Variants in YTHDF3 observed in about 807,000 individuals in gnomAD.
The protein encoded by YTHDF3 is YTH domain-containing family protein 3.
In YTHDF3, 9 loss-of-function variants were observed where a neutral mutation model predicts 52.5. The observed-to-expected ratio is 0.17, with a 90% confidence interval of 0.10 to 0.30. YTHDF3 has a LOEUF of 0.30. YTHDF3 is among the 10% of genes least tolerant of loss of function. The pLI is 1.00. For missense variants in YTHDF3, 534 were observed against 715.0 expected (o/e 0.75, Z 2.89); for synonymous variants, 274 against 243.3 (o/e 1.13, Z -1.18).
intron 3 of YTHDF3, among the ~76,000 whole-genome samples, chr8:63,185,347 G>A (rs1376954419): frequency 6.6e-6 from 1 of 151,792 alleles, no homozygotes; most frequent in Non-Finnish European, 1.5e-5. Context: ...TATAGTGAAG[G>A]TTGATTTAAT....
Position 63,177,759 on chromosome 8 carries a change from A to AT in YTHDF3, c.135+2359dup, listed in dbSNP as rs748461151. The stretch of plus-strand genomic sequence containing the variant: ...AAAATCCTGACTTGTTCAAACTCTT[A>AT]TTTTTTTTTTTTTTTTGAAACGGAG... On this transcript the variant is annotated intron_variant, in intron 3 of 4. Transcript: ENST00000539294. 8.9e-3 allele frequency among the ~76,000 whole-genome samples: 1,247 copies of AT among 140,374 alleles called. 9 individuals are homozygous for AT. The highest frequency in any genetic ancestry group is 0.022 in the African/African-American group (851 of 38,386). The allele number at this position is 140,374 out of a possible 152,430, so 92.1% of individuals were successfully genotyped here.
At chr8:63,207,831 CCTTACATCTTTTTACTTAATTTCT>C (rs960642475) in intron 4 of YTHDF3, among the ~76,000 whole-genome samples, 6 of 152,046 alleles carry the variant, frequency 3.9e-5, no homozygotes, top group African/African-American at 1.2e-4. Context: ...AGCAGATTGC[CCTTACATCTTTTTACTTAATTTCT>C]CTATGTATTT....
At chr8:63,187,850 T>C in intron 4 of YTHDF3, 105 bp downstream of exon 4, 1 of 1,259,546 alleles carries the variant, frequency 7.9e-7, no homozygotes, top group Non-Finnish European at 1.1e-6. Context: ...AACCAACTAC[T>C]TAAGAAACAA....
In YTHDF3 at chr8:63,169,398, G is replaced by A. The variant is rs1404819448; in HGVS notation, c.36G>A (p.Gly12=). The change falls in exon 2 of 5, where the codon GGG becomes GGA. Residue 12 remains glycine, a synonymous_variant. Transcript: ENST00000539294. ...SATSVDQRPK[G]QGNKVSVQNG... is the part of the protein sequence containing the mutation. ...GTCTTGCAACACAGAGACCTAAAGG[G>A]CAAGGAAATAAAGGTGAGTTTGGAT... 6.2e-7 allele frequency: 1 copy of A among 1,601,408 alleles called. No individual in the cohort carries two copies. The highest frequency in any genetic ancestry group is 8.5e-7 in the Non-Finnish European group (1 of 1,173,126).
intron 3 of YTHDF3, among the ~76,000 whole-genome samples, chr8:63,178,473 T>C (rs956064830): frequency 3.9e-5 from 6 of 152,276 alleles, no homozygotes; most frequent in African/African-American, 1.4e-4. Context: ...TTTTTTCAGC[T>C]GCATCATTGC....
intron 3 of YTHDF3, among the ~76,000 whole-genome samples, chr8:63,180,377 G>T (rs1471420158): frequency 2.0e-5 from 3 of 151,948 alleles, no homozygotes; most frequent in South Asian, 4.2e-4. Flanking sequence ...CAGACGATGG[G>T]CGGCTGGGCA....
At chr8:63,197,477 C>T (rs1363141542) in intron 4 of YTHDF3, among the ~76,000 whole-genome samples, 3 of 152,042 alleles carry the variant, frequency 2.0e-5, no homozygotes, top group African/African-American at 4.8e-5. Flanking sequence ...AAGATTAAAT[C>T]ACTTATTGTC....
intron 3 of YTHDF3, among the ~76,000 whole-genome samples, chr8:63,180,703 A>G (rs1188788494): frequency 2.0e-5 from 3 of 152,254 alleles, no homozygotes; most frequent in African/African-American, 7.2e-5. Context: ...TGAGTGAACC[A>G]GACTCCGTCT....
At chr8:63,183,857 C>T (rs901478957) in intron 3 of YTHDF3, among the ~76,000 whole-genome samples, 7 of 152,266 alleles carry the variant, frequency 4.6e-5, no homozygotes, top group Non-Finnish European at 1.0e-4. Flanking sequence ...GAACCCCCAA[C>T]GGATACCAAA....
At chr8:63,194,431 G>A (rs1809106903) in intron 4 of YTHDF3, among the ~76,000 whole-genome samples, 1 of 152,218 alleles carries the variant, frequency 6.6e-6, no homozygotes, top group African/African-American at 2.4e-5. Context: ...GTTGCAGTGA[G>A]GCGAGTTCGT....
chr8:63,192,282 T>G (rs1003672718), intron 4 of YTHDF3, among the ~76,000 whole-genome samples: 2 of 152,206 alleles, frequency 1.3e-5, no homozygotes, highest in Non-Finnish European at 2.9e-5. Context: ...AGAGAATCAT[T>G]GAGTTCAGTT....
chr8:63,176,527 G>A (rs982316583), intron 3 of YTHDF3, among the ~76,000 whole-genome samples: 11 of 152,114 alleles, frequency 7.2e-5, no homozygotes, highest in African/African-American at 2.2e-4. Context: ...TGATCCGCCC[G>A]CCTCGGCCTC....
At chr8:63,203,350 A>T (rs963390414) in intron 4 of YTHDF3, among the ~76,000 whole-genome samples, 2 of 152,172 alleles carry the variant, frequency 1.3e-5, no homozygotes, top group African/African-American at 4.8e-5. Flanking sequence ...CAGGACAACC[A>T]TTAAAATAGT....
intron 4 of YTHDF3, among the ~76,000 whole-genome samples, chr8:63,187,992 G>T (rs927121831): frequency 6.6e-6 from 1 of 152,056 alleles, no homozygotes; most frequent in Non-Finnish European, 1.5e-5. Context: ...AAGGCCATTG[G>T]GCCTCAGTGT....
chr8:63,199,452 C>T (rs1447023867), intron 4 of YTHDF3, among the ~76,000 whole-genome samples: 1 of 152,160 alleles, frequency 6.6e-6, no homozygotes. Context: ...TCCTGCAGTT[C>T]ACACCAGTGT....
chr8:63,190,318 C>T (rs1368465930), intron 4 of YTHDF3, among the ~76,000 whole-genome samples: 2 of 151,394 alleles, frequency 1.3e-5, no homozygotes, highest in Non-Finnish European at 1.5e-5. Flanking sequence ...TTTTTTCTAC[C>T]AAACTTGAAA....
rs201296361 is a variant in YTHDF3 at position 63,178,809 on chromosome 8, AAATT to A, written c.135+3396_135+3399del. On this transcript the variant is annotated intron_variant, in intron 3 of 4. Transcript: ENST00000539294. ...AAGTACTCTCAATTATCTAGCTAGA[AAATT>A]AAATAAAATGTTTGGACCTTTTAAA... Among the ~76,000 whole-genome samples, 1,216 of 152,304 alleles carry A rather than the reference AAATT, an allele frequency of 8.0e-3. 22 individuals carry two copies. Among genetic ancestry groups the A allele is most frequent in the African/African-American group, 0.028 (1,172 of 41,562 alleles).
intron 3 of YTHDF3, 105 bp downstream of exon 3, chr8:63,175,521 T>G (rs759582514): frequency 2.6e-5 from 24 of 915,420 alleles, no homozygotes; most frequent in Non-Finnish European, 3.9e-5. Context: ...CATGGATTCA[T>G]TCATCTAGTG....
chr8:63,185,380 T>C (rs1808431916), intron 3 of YTHDF3, among the ~76,000 whole-genome samples: 1 of 152,068 alleles, frequency 6.6e-6, no homozygotes, highest in Non-Finnish European at 1.5e-5. Flanking sequence ...GGAAAAAATT[T>C]ACATGAACTC....
Sources: allele counts gnomAD v4.1 joint callset (sites outside exome capture counted in the v4.1 genomes callset), GRCh38; gene constraint gnomAD v4.1.1; transcripts MANE v1.5; gene names NCBI Gene and HGNC (gene_info 2026-07-23, HGNC 2026-07-21).